The following GARIN5A variants were observed in gnomAD, a reference collection of about 807,000 sequenced individuals.
GARIN5A encodes the protein golgi associated RAB2 interactor 5A.
chr19:50,467,679 C>A, the GARIN5A span: 6 of 1,586,786 alleles, frequency 3.8e-6, no homozygotes, highest in Non-Finnish European at 5.1e-6. Context: ...GGCGGTAGAG[C>A]AGCCGCACCC....
the GARIN5A span, among the ~76,000 whole-genome samples, chr19:50,469,714 T>G: frequency 4.6e-5 from 7 of 152,274 alleles, no homozygotes; most frequent in East Asian, 1.4e-3. Flanking sequence ...CCAGGTCCCA[T>G]GTTCACCTAC....
the GARIN5A span, among the ~76,000 whole-genome samples, chr19:50,471,962 G>GTA: frequency 6.7e-6 from 1 of 150,154 alleles, no homozygotes; most frequent in Non-Finnish European, 1.5e-5. Context: ...ATGTATGTAT[G>GTA]TATATATACA....
the GARIN5A span, among the ~76,000 whole-genome samples, chr19:50,470,224 A>G: frequency 1.3e-5 from 2 of 152,190 alleles, no homozygotes; most frequent in Non-Finnish European, 2.9e-5. Context: ...AAAGAATCCA[A>G]CTGTGCAGGC....
At chr19:50,473,639 C>T in the GARIN5A span, among the ~76,000 whole-genome samples, 1 of 151,992 alleles carries the variant, frequency 6.6e-6, no homozygotes, top group Non-Finnish European at 1.5e-5. Context: ...GGATTACAGG[C>T]ATGAGTCACC....
At chr19:50,469,507 A>C in the GARIN5A span, among the ~76,000 whole-genome samples, 3 of 152,190 alleles carry the variant, frequency 2.0e-5, no homozygotes, top group Non-Finnish European at 4.4e-5. Flanking sequence ...TGCTTTGTCC[A>C]GTGGTGAAAG....
the GARIN5A span, chr19:50,475,200 G>C: frequency 9.5e-6 from 13 of 1,369,382 alleles, no homozygotes; most frequent in South Asian, 2.0e-4. Flanking sequence ...GGCAGCTCAG[G>C]GAGGGCCGGT....
chr19:50,475,800 G>A, the GARIN5A span: 1 of 1,494,614 alleles, frequency 6.7e-7, no homozygotes, highest in Admixed American at 1.7e-5. Flanking sequence ...GGCAGGCCGA[G>A]GCTGGGGATG....
the GARIN5A span, chr19:50,467,483 C>T: frequency 9.9e-7 from 1 of 1,007,220 alleles, no homozygotes; most frequent in South Asian, 1.6e-5. Context: ...TCTCTCCTCT[C>T]TTAGACCTGG....
chr19:50,476,468 G>A, the GARIN5A span: 17 of 1,574,024 alleles, frequency 1.1e-5, no homozygotes, highest in Admixed American at 1.7e-5. Context: ...CGGGCGTCAG[G>A]ATGCGGCCTG....
chr19:50,471,695 C>CGCATACATGCACGTGTGTGTATAT, the GARIN5A span, among the ~76,000 whole-genome samples: 4 of 146,152 alleles, frequency 2.7e-5, no homozygotes, highest in Non-Finnish European at 5.9e-5. Flanking sequence ...TGTGTGTATA[C>CGCATACATGCACGTGTGTGTATAT]GCATACATGC....
the GARIN5A span, chr19:50,475,774 CAGG>C: frequency 1.6e-6 from 2 of 1,253,536 alleles, no homozygotes. Flanking sequence ...CTTTCCAAGT[CAGG>C]AGGAGGTCGA....
At chr19:50,476,555 C>T in the GARIN5A span, 2 of 1,573,964 alleles carry the variant, frequency 1.3e-6, no homozygotes, top group Admixed American at 1.8e-5. Flanking sequence ...ATGGCGGCAG[C>T]CAGCGCTGGG....
chr19:50,471,849 C>T, the GARIN5A span, among the ~76,000 whole-genome samples: 764 of 149,382 alleles, frequency 5.1e-3, 11 homozygotes, highest in East Asian at 0.025. Flanking sequence ...TGTGTGCATA[C>T]GCATACATAC....
the GARIN5A span, among the ~76,000 whole-genome samples, chr19:50,471,413 C>T: frequency 4.6e-5 from 7 of 152,040 alleles, no homozygotes; most frequent in East Asian, 1.9e-4. Flanking sequence ...GGACTACAGG[C>T]GCCCATCATC....
At chr19:50,475,330 G>A in the GARIN5A span, 3 of 1,590,790 alleles carry the variant, frequency 1.9e-6, no homozygotes, top group Non-Finnish European at 2.6e-6. Flanking sequence ...GTTACCCGAA[G>A]AGTTGCAGGT....
At chr19:50,476,598 G>T in the GARIN5A span, 2 of 1,570,770 alleles carry the variant, frequency 1.3e-6, no homozygotes, top group Non-Finnish European at 8.6e-7. Context: ...TGCTGATGGC[G>T]GTAGCAGCGC....
At chr19:50,476,598 G>C in the GARIN5A span, 105 of 1,570,772 alleles carry the variant, frequency 6.7e-5, no homozygotes, top group African/African-American at 1.2e-3. Flanking sequence ...TGCTGATGGC[G>C]GTAGCAGCGC....
chr19:50,473,194 A>C, the GARIN5A span, among the ~76,000 whole-genome samples: 2 of 152,218 alleles, frequency 1.3e-5, no homozygotes, highest in Non-Finnish European at 1.5e-5. Flanking sequence ...CGAAATTAGA[A>C]AAGCAATCTT....
chr19:50,472,123 T>C, the GARIN5A span, among the ~76,000 whole-genome samples: 1 of 137,156 alleles, frequency 7.3e-6, no homozygotes, highest in Non-Finnish European at 1.5e-5. Flanking sequence ...TATATGTATA[T>C]ATACGTGTGT....
Sources: gnomAD v4.1 joint callset for allele counts (sites outside exome capture counted in the v4.1 genomes callset) on GRCh38, gnomAD v4.1.1 for gene constraint, MANE v1.5 for transcripts, NCBI Gene and HGNC (gene_info 2026-07-23, HGNC 2026-07-21) for gene names.